Variants in COMMD1 observed in about 807,000 individuals in gnomAD.
COMMD1 encodes copper metabolism domain containing 1, also known as COMM domain-containing protein 1.
In COMMD1, 10 loss-of-function variants were observed where a neutral mutation model predicts 17.2. The ratio of observed to expected loss-of-function variants is 0.58; its 90% CI spans 0.36 to 0.99. COMMD1 has a LOEUF of 0.99. Among genes scored for constraint, COMMD1 ranks in the 50% least tolerant of loss-of-function variants. COMMD1 has a pLI of 0.01. For missense variants in COMMD1, 270 were observed against 231.8 expected, an observed-to-expected ratio of 1.17 and a Z score of -1.07; for synonymous variants, 97 against 91.6, an observed-to-expected ratio of 1.06 and a Z score of -0.34.
At chr2:62,073,943 C>T (rs1330331091) in intron 2 of COMMD1, among the ~76,000 whole-genome samples, 3 of 152,152 alleles carry the variant, frequency 2.0e-5, no homozygotes, top group African/African-American at 4.8e-5. Flanking sequence ...GTGATCCACC[C>T]GCCTTGGCCT....
chr2:62,111,806 T>G (rs1298890848), intron 2 of COMMD1, among the ~76,000 whole-genome samples: 1 of 152,144 alleles, frequency 6.6e-6, no homozygotes, highest in Non-Finnish European at 1.5e-5. Context: ...TGGGATATTG[T>G]TTTTTGAGCC....
At chr2:62,092,788 C>T (rs1197211072) in intron 2 of COMMD1, among the ~76,000 whole-genome samples, 2 of 152,118 alleles carry the variant, frequency 1.3e-5, no homozygotes, top group African/African-American at 4.8e-5. Context: ...AAGCCCTTAG[C>T]CAACCTCATA....
chr2:62,016,801 G>C (rs1669462694), intron 2 of COMMD1, among the ~76,000 whole-genome samples: 1 of 152,108 alleles, frequency 6.6e-6, no homozygotes, highest in Admixed American at 6.5e-5. Context: ...CCAATGTCAT[G>C]AAACTTTTCC....
chr2:61,933,983 T>C (rs1262006620), intron 1 of COMMD1, among the ~76,000 whole-genome samples: 1 of 152,126 alleles, frequency 6.6e-6, no homozygotes, highest in East Asian at 1.9e-4. Flanking sequence ...CAGGCTGGTC[T>C]CAAACTCCCA....
intron 1 of COMMD1, among the ~76,000 whole-genome samples, chr2:61,941,055 G>T (rs1464934359): frequency 2.0e-5 from 3 of 146,584 alleles, no homozygotes; most frequent in African/African-American, 7.6e-5. Context: ...TTTTTTTTTG[G>T]GATGGAGTCT....
chr2:61,962,355 G>C (rs1052908594), intron 1 of COMMD1, among the ~76,000 whole-genome samples: 1 of 152,120 alleles, frequency 6.6e-6, no homozygotes, highest in Non-Finnish European at 1.5e-5. Flanking sequence ...CGTGATAGGA[G>C]TGTCTTTATT....
chr2:62,002,150 A>G (rs1668963656), intron 2 of COMMD1, among the ~76,000 whole-genome samples: 2 of 151,532 alleles, frequency 1.3e-5, no homozygotes, highest in Non-Finnish European at 2.9e-5. Flanking sequence ...AGCCTGGGCA[A>G]TAAGAGCGAA....
intron 1 of COMMD1, among the ~76,000 whole-genome samples, chr2:61,906,610 A>G (rs1669777736): frequency 7.3e-6 from 1 of 136,616 alleles, no homozygotes; most frequent in African/African-American, 3.2e-5. Context: ...AACTCTATTT[A>G]GACCGAGAAC....
intron 1 of COMMD1, among the ~76,000 whole-genome samples, chr2:61,945,107 G>C (rs1670872862): frequency 6.6e-6 from 1 of 152,142 alleles, no homozygotes; most frequent in Non-Finnish European, 1.5e-5. Context: ...TATGATTACT[G>C]AGTGCTCCAA....
chr2:61,964,502 C>T (rs180906722), intron 1 of COMMD1, among the ~76,000 whole-genome samples: 1 of 152,172 alleles, frequency 6.6e-6, no homozygotes, highest in East Asian at 1.9e-4. Context: ...GCGTGAGGCA[C>T]TACACCCTGG....
At chr2:61,954,033 C>T (rs1263635199) in intron 1 of COMMD1, among the ~76,000 whole-genome samples, 1 of 152,030 alleles carries the variant, frequency 6.6e-6, no homozygotes, top group Non-Finnish European at 1.5e-5. Flanking sequence ...GCCTGGCCAA[C>T]ATCGTGAAAC....
intron 1 of COMMD1, among the ~76,000 whole-genome samples, chr2:61,976,465 A>C (rs977895391): frequency 1.3e-5 from 2 of 152,210 alleles, no homozygotes. Flanking sequence ...CTCCAAAAAA[A>C]CATGTCTTTA....
chr2:61,991,718 T>C (rs538543369), intron 1 of COMMD1, among the ~76,000 whole-genome samples: 1 of 152,294 alleles, frequency 6.6e-6, no homozygotes, highest in Non-Finnish European at 1.5e-5. Flanking sequence ...CAGAGACACA[T>C]AGAAGAAGCA....
chr2:61,956,315 C>T (rs1296128241), intron 1 of COMMD1, among the ~76,000 whole-genome samples: 1 of 152,122 alleles, frequency 6.6e-6, no homozygotes, highest in East Asian at 1.9e-4. Context: ...TTCCACAGAT[C>T]TGTATCAGAC....
intron 1 of COMMD1, among the ~76,000 whole-genome samples, chr2:61,900,447 T>C (rs146477280): frequency 5.1e-4 from 77 of 152,382 alleles, no homozygotes; most frequent in African/African-American, 1.7e-3. Context: ...AATGACCTAT[T>C]CAGCAAGACT....
chr2:61,988,111 A>G (rs1420132661), intron 1 of COMMD1, among the ~76,000 whole-genome samples: 2 of 152,142 alleles, frequency 1.3e-5, no homozygotes, highest in African/African-American at 4.8e-5. Flanking sequence ...CTAAGAGCCA[A>G]GGCCTGAAAT....
At chr2:62,054,845 A>G (rs1407337647) in intron 2 of COMMD1, among the ~76,000 whole-genome samples, 1 of 152,198 alleles carries the variant, frequency 6.6e-6, no homozygotes, top group Non-Finnish European at 1.5e-5. Context: ...TTGCACATGT[A>G]CTTCATAAAT....
chr2:61,911,989 C>T (rs1339017894), intron 1 of COMMD1, among the ~76,000 whole-genome samples: 1 of 152,128 alleles, frequency 6.6e-6, no homozygotes, highest in Non-Finnish European at 1.5e-5. Flanking sequence ...CATTCTCTAC[C>T]TGAACGTCAT....
intron 2 of COMMD1, among the ~76,000 whole-genome samples, chr2:62,063,294 A>G (rs1027950014): frequency 6.6e-6 from 1 of 152,128 alleles, no homozygotes; most frequent in African/African-American, 2.4e-5. Context: ...GCTACTAGGG[A>G]GCCTGAGGTG....
Sources: allele counts gnomAD v4.1 joint callset (sites outside exome capture counted in the v4.1 genomes callset), GRCh38; gene constraint gnomAD v4.1.1; transcripts MANE v1.5; gene names NCBI Gene and HGNC (gene_info 2026-07-23, HGNC 2026-07-21).